The following CCDC178 variants were observed in gnomAD, a reference collection of about 807,000 sequenced individuals.
CCDC178 encodes coiled-coil domain-containing protein 178.
CCDC178 carries 126 observed loss-of-function variants against 117.4 expected under a neutral mutation model. That is an observed-to-expected ratio of 1.07 (90% CI 0.93 to 1.24). The LOEUF is 1.24. CCDC178 is among the 50% of genes most tolerant of loss of function. The pLI is 0.00. For synonymous variants in CCDC178, 283 were observed against 313.4 expected, an observed-to-expected ratio of 0.90 and a Z score of 1.02; for missense variants, 1,030 against 986.9, an observed-to-expected ratio of 1.04 and a Z score of -0.59.
chr18:33,131,125 G>A (rs373959719), intron 20 of CCDC178, among the ~76,000 whole-genome samples: 1 of 151,794 alleles, frequency 6.6e-6, no homozygotes, highest in East Asian at 1.9e-4. Context: ...TTTCATTGAT[G>A]TTTTATTGAA....
chr18:33,297,915 G>A (rs897260410), intron 11 of CCDC178, among the ~76,000 whole-genome samples: 7 of 151,958 alleles, frequency 4.6e-5, no homozygotes, highest in Admixed American at 1.3e-4. Context: ...GGTGGCGGGC[G>A]CCTGTAGTCC....
Position 33,333,284 on chromosome 18 carries a change from C to A in CCDC178, c.769G>T (p.Ala257Ser), listed in dbSNP as rs758600761. 13 of 1,612,076 alleles carry A rather than the reference C, an allele frequency of 8.1e-6. No individual in the cohort carries two copies. The highest frequency in any genetic ancestry group is 1.1e-5 in the Non-Finnish European group (13 of 1,178,574). The stretch of plus-strand genomic sequence containing the variant: ...TAGTCTATGTCTGCTTGAATCTTTG[C>A]ATTTGCTTCTTCTAACTCTGTCTTT... ...KQKTELEEAN[A>S]KIQADIDYMN... Residue 257 changes from alanine to serine, a missense_variant, in exon 10 of 23, where the codon GCA becomes TCA. Coordinates refer to ENST00000383096, the MANE Select transcript of CCDC178 (RefSeq NM_001105528.4).
intron 14 of CCDC178, among the ~76,000 whole-genome samples, chr18:33,259,467 G>A (rs1024561408): frequency 6.6e-6 from 1 of 152,162 alleles, no homozygotes; most frequent in Non-Finnish European, 1.5e-5. Context: ...TGACTAGGAG[G>A]CCTCTGGAAA....
intron 20 of CCDC178, among the ~76,000 whole-genome samples, chr18:33,135,674 G>A (rs1311816220): frequency 1.3e-5 from 2 of 152,186 alleles, no homozygotes; most frequent in Non-Finnish European, 2.9e-5. Context: ...TTGCATGAGC[G>A]GTTTCACCAA....
chr18:33,194,554 CCCAT>C (rs1432437759), intron 20 of CCDC178, among the ~76,000 whole-genome samples: 1 of 152,164 alleles, frequency 6.6e-6, no homozygotes, highest in Non-Finnish European at 1.5e-5. Context: ...CGCTTTTTCC[CCCAT>C]CCAATAAAAC....
chr18:33,295,834 T>C (rs538348759), intron 11 of CCDC178, among the ~76,000 whole-genome samples: 1 of 152,302 alleles, frequency 6.6e-6, no homozygotes, highest in Non-Finnish European at 1.5e-5. Flanking sequence ...CTGGCATTCA[T>C]ATAAAATGGT....
intron 12 of CCDC178, among the ~76,000 whole-genome samples, chr18:33,283,288 A>T (rs2060047988): frequency 6.6e-6 from 1 of 152,132 alleles, no homozygotes; most frequent in Admixed American, 6.6e-5. Flanking sequence ...ATTAAGTATA[A>T]ATTAAACCCC....
intron 21 of CCDC178, among the ~76,000 whole-genome samples, chr18:33,017,808 G>C (rs2056024902): frequency 6.6e-6 from 1 of 151,802 alleles, no homozygotes; most frequent in Admixed American, 6.6e-5. Flanking sequence ...ATGGATCATA[G>C]ACATAAATGT....
chr18:33,268,891 A>C (rs1465513376), intron 12 of CCDC178, among the ~76,000 whole-genome samples: 1 of 151,848 alleles, frequency 6.6e-6, no homozygotes, highest in Non-Finnish European at 1.5e-5. Flanking sequence ...GATTTAATAA[A>C]AACAGTCTAA....
intron 21 of CCDC178, among the ~76,000 whole-genome samples, chr18:33,026,284 T>C (rs940516115): frequency 1.3e-5 from 2 of 152,064 alleles, no homozygotes; most frequent in African/African-American, 4.8e-5. Flanking sequence ...GCATTTTGTA[T>C]TTTGGGCGTA....
chr18:33,158,918 T>C (rs1471345831), intron 20 of CCDC178, among the ~76,000 whole-genome samples: 1 of 152,132 alleles, frequency 6.6e-6, no homozygotes, highest in African/African-American at 2.4e-5. Context: ...TTATTAAAAA[T>C]ACATCATTTG....
intron 21 of CCDC178, among the ~76,000 whole-genome samples, chr18:32,984,541 G>A (rs1598754950): frequency 1.3e-5 from 2 of 149,128 alleles, no homozygotes; most frequent in Admixed American, 6.6e-5. Flanking sequence ...ATAAAAATGT[G>A]TAAAGACAGT....
chr18:33,306,846 G>T (rs1379182410), intron 11 of CCDC178, among the ~76,000 whole-genome samples: 2 of 151,994 alleles, frequency 1.3e-5, no homozygotes, highest in African/African-American at 4.8e-5. Context: ...TTTCCTTCAT[G>T]ATATTCTCAT....
intron 20 of CCDC178, among the ~76,000 whole-genome samples, chr18:33,193,246 G>A (rs2626368): frequency 2.2e-4 from 23 of 104,972 alleles, no homozygotes; most frequent in Non-Finnish European, 3.6e-4. Context: ...CTGGGCAACA[G>A]AGCGAGACTC....
chr18:33,278,247 A>G (rs5823887), intron 12 of CCDC178, among the ~76,000 whole-genome samples: 1 of 98,418 alleles, frequency 1.0e-5, no homozygotes, highest in Non-Finnish European at 2.1e-5. Flanking sequence ...ATATATATAT[A>G]TATCTATATA....
chr18:33,078,603 G>C (rs1189667610), intron 21 of CCDC178, among the ~76,000 whole-genome samples: 1 of 152,076 alleles, frequency 6.6e-6, no homozygotes, highest in Admixed American at 6.6e-5. Context: ...AAAAATAAAT[G>C]TACAAAAATC....
intron 20 of CCDC178, among the ~76,000 whole-genome samples, chr18:33,154,211 A>G (rs1428069428): frequency 6.6e-6 from 1 of 152,196 alleles, no homozygotes; most frequent in East Asian, 1.9e-4. Context: ...GGTTCTTAAA[A>G]GAAGGAGACC....
chr18:33,285,360 A>G (rs1013978805), intron 12 of CCDC178, among the ~76,000 whole-genome samples: 1 of 152,112 alleles, frequency 6.6e-6, no homozygotes, highest in African/African-American at 2.4e-5. Context: ...AATAATTCAA[A>G]CAATGGAAAA....
chr18:33,330,135 A>G (rs1191526927), intron 10 of CCDC178, among the ~76,000 whole-genome samples: 1 of 151,920 alleles, frequency 6.6e-6, no homozygotes, highest in African/African-American at 2.4e-5. Flanking sequence ...CTGAGGAAGT[A>G]TTTGGGCCTC....
Sources: allele counts gnomAD v4.1 joint callset (sites outside exome capture counted in the v4.1 genomes callset), GRCh38; gene constraint gnomAD v4.1.1; transcripts MANE v1.5; gene names NCBI Gene and HGNC (gene_info 2026-07-23, HGNC 2026-07-21).